Variants in PCCA observed in about 807,000 individuals in gnomAD.
The protein encoded by PCCA is propionyl-CoA carboxylase subunit alpha, also known as propionyl-CoA carboxylase alpha chain, mitochondrial.
Under a neutral mutation model 101.3 loss-of-function variants are expected in PCCA, and 74 were observed. The observed-to-expected ratio is 0.73, with a 90% CI of 0.61 to 0.89. The LOEUF is 0.89. Among genes scored for constraint, PCCA ranks in the 40% least tolerant of loss-of-function variants. The pLI, the probability that PCCA is intolerant of heterozygous loss-of-function variation, is 0.00. For missense variants in PCCA, 891 were observed against 907.0 expected, an observed-to-expected ratio of 0.98 and a Z score of 0.23; for synonymous variants, 294 against 313.6, an observed-to-expected ratio of 0.94 and a Z score of 0.66.
In PCCA at chr13:100,518,153, TTTTC is replaced by T. The variant is rs377541880; in HGVS notation, c.2040+2590_2040+2593del. Among the ~76,000 whole-genome samples the T allele has an allele frequency of 6.6e-3, 998 of 152,316 alleles. 3 individuals are homozygous for T. Among genetic ancestry groups the T allele is most frequent in the African/African-American group, 0.022 (932 of 41,558 alleles). On this transcript the variant is annotated intron_variant, in intron 22 of 23. Transcript: ENST00000376285. ...ACTAAGGGCCTTACAAGTATTCTGT[TTTTC>T]TTTGAAATGTTACTTTTTATCGTTT... is the stretch of plus-strand genomic sequence containing the variant.
At chr13:100,264,618 T>G (rs996871236) in intron 10 of PCCA, among the ~76,000 whole-genome samples, 3 of 152,200 alleles carry the variant, frequency 2.0e-5, no homozygotes, top group African/African-American at 7.2e-5. Context: ...CACCTGCAGT[T>G]TATCCATATT....
chr13:100,200,181 T>C (rs1227994451), intron 6 of PCCA, among the ~76,000 whole-genome samples: 1 of 152,194 alleles, frequency 6.6e-6, no homozygotes, highest in Non-Finnish European at 1.5e-5. Flanking sequence ...CTTGGCTCAC[T>C]GCAAGCTCTG....
intron 19 of PCCA, among the ~76,000 whole-genome samples, chr13:100,383,936 C>T (rs1235186364): frequency 1.3e-5 from 2 of 152,054 alleles, no homozygotes; most frequent in African/African-American, 2.4e-5. Context: ...TTCCTTTGTT[C>T]TACCACCATA....
At chr13:100,132,736 GA>G (rs746741339) in intron 4 of PCCA, among the ~76,000 whole-genome samples, 53 of 152,230 alleles carry the variant, frequency 3.5e-4, no homozygotes, top group Non-Finnish European at 6.8e-4. Context: ...AGAATACAAT[GA>G]GAGTTGTAGT....
chr13:100,309,977 T>G, intron 16 of PCCA, 69 bp downstream of exon 16: 1 of 1,120,734 alleles, frequency 8.9e-7, no homozygotes, highest in East Asian at 2.4e-5. Flanking sequence ...AGCCTGGGGG[T>G]TTACCAATGA....
At chr13:100,381,244 T>C (rs1034103461) in intron 19 of PCCA, among the ~76,000 whole-genome samples, 1 of 151,828 alleles carries the variant, frequency 6.6e-6, no homozygotes, top group African/African-American at 2.4e-5. Context: ...CAAAATTAGC[T>C]GGGGCATGGT....
chr13:100,227,089 C>T lies in PCCA; in HGVS notation c.601-8753C>T, dbSNP rs143427477. ...CACTATCTTGGCTCACTGCAACCTCCGCCTCCTGAGTAGCTGGGATTGCAG... is the reference window on the plus strand; with the variant it reads ...CACTATCTTGGCTCACTGCAACCTCTGCCTCCTGAGTAGCTGGGATTGCAG... On this transcript the variant is annotated intron_variant, in intron 7 of 23. Coordinates refer to ENST00000376285, the MANE Select transcript of PCCA (RefSeq NM_000282.4). Among the ~76,000 whole-genome samples the T allele has an allele frequency of 9.5e-4, 145 of 152,170 alleles. No individual in the cohort carries two copies. The Middle Eastern group carries it at 0.014, about 14-fold the overall frequency.
chr13:100,372,352 A>AAAAACAAAAC (rs139660296), intron 19 of PCCA, among the ~76,000 whole-genome samples: 11,715 of 150,000 alleles, frequency 0.078, 522 homozygotes, highest in African/African-American at 0.12. Flanking sequence ...ACCCTGTCTC[A>AAAAACAAAAC]AAAACAAAAC....
chr13:100,260,056 A>G (rs1403860054), intron 9 of PCCA, among the ~76,000 whole-genome samples: 1 of 152,178 alleles, frequency 6.6e-6, no homozygotes, highest in Non-Finnish European at 1.5e-5. Flanking sequence ...AAAGATCTCA[A>G]TCATTATAGT....
At chr13:100,519,179 T>C (rs1024359719) in intron 22 of PCCA, among the ~76,000 whole-genome samples, 2 of 152,240 alleles carry the variant, frequency 1.3e-5, no homozygotes, top group African/African-American at 4.8e-5. Flanking sequence ...GCATCAGAAA[T>C]ACTCATTTAA....
chr13:100,233,543 T>C (rs1338373202), intron 7 of PCCA, among the ~76,000 whole-genome samples: 1 of 152,198 alleles, frequency 6.6e-6, no homozygotes, highest in Non-Finnish European at 1.5e-5. Context: ...ATAGGGCTTT[T>C]TATCTCTTCA....
chr13:100,479,987 G>T (rs2083755280), intron 21 of PCCA, among the ~76,000 whole-genome samples: 1 of 152,148 alleles, frequency 6.6e-6, no homozygotes, highest in Non-Finnish European at 1.5e-5. Flanking sequence ...TGACTCAGGA[G>T]CACCCATTAC....
At chr13:100,314,823 T>G (rs1293894617) in intron 16 of PCCA, among the ~76,000 whole-genome samples, 3 of 152,166 alleles carry the variant, frequency 2.0e-5, no homozygotes, top group Non-Finnish European at 4.4e-5. Context: ...CTAAATGCAA[T>G]GTGTGATCCT....
intron 22 of PCCA, among the ~76,000 whole-genome samples, chr13:100,524,725 A>T (rs2087606472): frequency 1.3e-5 from 2 of 152,116 alleles, no homozygotes; most frequent in Non-Finnish European, 2.9e-5. Flanking sequence ...TACAAAAATT[A>T]GCTGGGCGTG....
chr13:100,280,383 G>C (rs571110388), intron 12 of PCCA, among the ~76,000 whole-genome samples: 3 of 151,710 alleles, frequency 2.0e-5, no homozygotes, highest in African/African-American at 7.3e-5. Context: ...AATTGCAAGA[G>C]ACTCCTTTCT....
At chr13:100,234,417 T>G (rs12428048) in intron 7 of PCCA, among the ~76,000 whole-genome samples, 9 of 152,020 alleles carry the variant, frequency 5.9e-5, no homozygotes, top group Admixed American at 3.9e-4. Flanking sequence ...GATTTATCTC[T>G]GACTTGAAAA....
At chr13:100,348,764 CTTTCTTTCTTTCTTTCTTTCTTT>C (rs1566976084) in intron 18 of PCCA, among the ~76,000 whole-genome samples, 62 of 87,858 alleles carry the variant, frequency 7.1e-4, no homozygotes, top group African/African-American at 2.5e-3. Context: ...TTCTTTCTTT[CTTTCTTTCTTTCTTTCTTTCTTT>C]CTTCCTTCCT....
intron 2 of PCCA, 70 bp downstream of exon 2, chr13:100,103,030 C>T (rs962335674): frequency 1.0e-6 from 1 of 994,034 alleles, no homozygotes; most frequent in Non-Finnish European, 1.6e-6. Context: ...CGTCTCCACA[C>T]TGTGTTCAGT....
chr13:100,241,715 T>C (rs531662659), intron 8 of PCCA, among the ~76,000 whole-genome samples: 5 of 152,304 alleles, frequency 3.3e-5, no homozygotes, highest in Middle Eastern at 3.4e-3. Context: ...TCCACCCACA[T>C]TGGCCTCCCA....
Sources: gnomAD v4.1 joint callset for allele counts (sites outside exome capture counted in the v4.1 genomes callset) on GRCh38, gnomAD v4.1.1 for gene constraint, MANE v1.5 for transcripts, NCBI Gene and HGNC (gene_info 2026-07-23, HGNC 2026-07-21) for gene names.